ARRDC1: variants seen among roughly 807,000 people sequenced by gnomAD.
ARRDC1 encodes the protein arrestin domain-containing protein 1.
In ARRDC1, 37 loss-of-function variants were observed where a neutral mutation model predicts 40.1. That is an observed-to-expected ratio of 0.92 (90% CI 0.71 to 1.21). The LOEUF is 1.21. Among genes scored for constraint, ARRDC1 ranks in the 50% most tolerant of loss-of-function variants. The probability of loss-of-function intolerance (pLI) is 0.00; values close to 1 mark genes in which losing one functional copy is unlikely to be tolerated. For synonymous variants in ARRDC1, 310 were observed against 262.5 expected, an observed-to-expected ratio of 1.18 and a Z score of -1.75; for missense variants, 641 against 581.9, an observed-to-expected ratio of 1.10 and a Z score of -1.04.
chr9:137,613,589 G>A (rs1333088258), intron 3 of ARRDC1, 26 bp from the exon 4 acceptor site: 3 of 1,614,152 alleles, frequency 1.9e-6, no homozygotes, highest in Non-Finnish European at 8.5e-7. Context: ...AAGGCAGCCA[G>A]GTACCAGTGC....
intron 1 of ARRDC1, among the ~76,000 whole-genome samples, chr9:137,606,253 C>T (rs1842421767): frequency 6.6e-6 from 1 of 152,126 alleles, no homozygotes; most frequent in Non-Finnish European, 1.5e-5. Flanking sequence ...TGCTGCGGCT[C>T]CCTGCGCCCC....
In ARRDC1 at chr9:137,607,902, TAGAGTC is replaced by T. The variant is rs562021465; in HGVS notation, c.118+2072_118+2077del. ...AACGCAGCCCAGTCATGATCTTCCT[TAGAGTC>T]AGAGAGGCCTGCAGCCTCCAGCAGC... On this transcript the variant is annotated intron_variant, in intron 1 of 7. Coordinates refer to ENST00000371421, the MANE Select transcript of ARRDC1 (RefSeq NM_152285.4). Among the ~76,000 whole-genome samples, 103 of 152,330 alleles carry T rather than the reference TAGAGTC, an allele frequency of 6.8e-4. 1 individual carries two copies. Among genetic ancestry groups the T allele is most frequent in the Non-Finnish European group, 1.2e-3 (81 of 68,024 alleles).
At chr9:137,606,239 C>T (rs1459506538) in intron 1 of ARRDC1, among the ~76,000 whole-genome samples, 2 of 152,116 alleles carry the variant, frequency 1.3e-5, no homozygotes, top group Admixed American at 1.3e-4. Context: ...GGGGTGCAGA[C>T]ACCTGCTGCG....
At position 137,613,683 on chromosome 9, in the gene ARRDC1, A is replaced by G. The variant is rs1842588163; in HGVS notation, c.349A>G (p.Thr117Ala). 4.3e-6 allele frequency: 7 copies of G among 1,614,106 alleles called. No homozygotes were observed. The highest frequency in any genetic ancestry group is 1.3e-5 in the African/African-American group (1 of 74,938). The part of the protein sequence containing the change: ...IVHQVRAAIH[T>A]PRFSKDHKCS... Reference sequence around the variant, plus strand: ...GCACCAGGTGAGGGCCGCCATCCACACGCCACGGTTTTCCAAGGATCACAA... The same window carrying G: ...GCACCAGGTGAGGGCCGCCATCCACGCGCCACGGTTTTCCAAGGATCACAA... The change falls in exon 4 of 8, where the codon ACG becomes GCG. Residue 117 changes from threonine to alanine, a missense_variant. Physicochemically the swap from Thr to Ala is moderately conservative, Grantham distance 58. Transcript: ENST00000371421.
At position 137,614,449 on chromosome 9, in the gene ARRDC1, C is replaced by A; in HGVS notation, c.769C>A (p.Leu257Ile). The A allele has an allele frequency of 6.2e-7, 1 of 1,613,462 alleles. No individual in the cohort carries two copies. The highest frequency in any genetic ancestry group is 1.1e-5 in the South Asian group (1 of 91,088). ...CCAGTCGGCCCTGCCGGGCTGCAGC[C>A]TCATCCACATCGACTACTACTTACA... ...LPQSALPGCS[L>I]IHIDYYLQVS... Residue 257 changes from leucine to isoleucine, a missense_variant, in exon 6 of 8, where the codon CTC (leucine) becomes ATC (isoleucine). By Grantham distance (5) the Leu-to-Ile change is conservative (BLOSUM62 2). Transcript: ENST00000371421.
chr9:137,608,461 C>T (rs913355595), intron 1 of ARRDC1, among the ~76,000 whole-genome samples: 10 of 152,332 alleles, frequency 6.6e-5, no homozygotes, highest in East Asian at 1.9e-4. Flanking sequence ...GCGAAAGGCT[C>T]GGTTCCCTTC....
chr9:137,615,038 C>T (rs745905042), intron 7 of ARRDC1, 36 bp from the exon 8 acceptor site: 19 of 1,611,812 alleles, frequency 1.2e-5, no homozygotes, highest in African/African-American at 9.3e-5. Flanking sequence ...GAGGGGACGC[C>T]AAGAGCCCCA....
intron 2 of ARRDC1, 115 bp downstream of exon 2, chr9:137,613,121 C>A: frequency 2.3e-6 from 2 of 886,044 alleles, no homozygotes; most frequent in Non-Finnish European, 3.7e-6. Flanking sequence ...TGGCACTGGC[C>A]CATCTTGTCC....
chr9:137,606,389 G>C (rs888538190), intron 1 of ARRDC1, among the ~76,000 whole-genome samples: 3 of 152,186 alleles, frequency 2.0e-5, no homozygotes, highest in Admixed American at 2.0e-4. Context: ...CGGCCCGCGA[G>C]GTGAGGCTGC....
rs931681063 is a variant in ARRDC1 at position 137,615,289 on chromosome 9, G to T, written c.*151G>T. The stretch of plus-strand genomic sequence containing the variant: ...TGGCATCCGCCCTCTTCTCCCTGGG[G>T]CTGGGGTGGGGGTGGCAGGGAGCTG... On this transcript the variant is annotated 3_prime_UTR_variant, in exon 8 of 8. Coordinates refer to ENST00000371421, the MANE Select transcript of ARRDC1 (RefSeq NM_152285.4). 1.4e-4 allele frequency: 102 copies of T among 741,680 alleles called. No homozygotes were observed. In the Middle Eastern group the frequency reaches 2.2e-3, roughly 16 times the overall value. 45.9% of individuals were successfully genotyped at this position (741,680 alleles called of 1,614,324 possible).
intron 1 of ARRDC1, among the ~76,000 whole-genome samples, chr9:137,608,852 A>G (rs1161800586): frequency 6.6e-6 from 1 of 152,174 alleles, no homozygotes; most frequent in Non-Finnish European, 1.5e-5. Context: ...CACTTTGGAC[A>G]GTGGTTGGAG....
chr9:137,608,939 A>T (rs1316868489), intron 1 of ARRDC1, among the ~76,000 whole-genome samples: 2 of 152,202 alleles, frequency 1.3e-5, no homozygotes, highest in Non-Finnish European at 2.9e-5. Flanking sequence ...GGGCGTTGGG[A>T]AGATCACAGA....
rs768969181 is a variant in ARRDC1 at position 137,605,820 on chromosome 9, C to T, written c.103C>T (p.Pro35Ser). The change falls in exon 1 of 8, where the codon CCG (proline) becomes TCG (serine). Residue 35 changes from proline to serine, a missense_variant. Coordinates refer to ENST00000371421, the MANE Select transcript of ARRDC1 (RefSeq NM_152285.4). ...AGTVRVRLGA[P>S]LPFRAIRVTC... ...GACCGTGCGCGTGCGCCTGGGGGCA[C>T]CGCTGCCGTTCCGAGGTGGGCGCGG... The T allele has an allele frequency of 3.1e-4, 389 of 1,270,796 alleles. 1 individual carries two copies. Among genetic ancestry groups the T allele is most frequent in the Non-Finnish European group, 3.5e-4 (348 of 1,007,726 alleles). The allele number at this position is 1,270,796 out of a possible 1,614,324, so 78.7% of individuals were successfully genotyped here. A position where few individuals can be genotyped will look rare whatever the true frequency, so the allele number is the denominator to read the frequency against.
At chr9:137,605,897 A>G in intron 1 of ARRDC1, 62 bp downstream of exon 1, 2 of 1,061,016 alleles carry the variant, frequency 1.9e-6, no homozygotes, top group South Asian at 4.5e-5. Context: ...GGCTCCCGGA[A>G]GCGGCTGCCG....
rs1295437890 is a variant in ARRDC1, at chr9:137,614,837, CT to C, written c.1075del (p.Cys359AlafsTer41). On this transcript the variant is annotated frameshift_variant, in exon 7 of 8. Coordinates refer to ENST00000371421, the MANE Select transcript of ARRDC1 (RefSeq NM_152285.4). LOFTEE classifies it high-confidence loss of function. The part of the protein sequence containing the change: ...LSSVPGAPEP[C>X]PQDGSPASHP... ...GTTCTGTGCCTGGTGCGCCGGAGCC[CT>C]GCCCTCAGGATGGCAGCCCTGCCTC... is the stretch of plus-strand genomic sequence containing the variant. The C allele has an allele frequency of 6.2e-7, 1 of 1,613,460 alleles. No homozygotes were observed. The highest frequency in any genetic ancestry group is 8.5e-7 in the Non-Finnish European group (1 of 1,179,974).
rs756609761 is a variant in ARRDC1, at chr9:137,613,999, C to T, written c.436-33C>T. On this transcript the variant is annotated intron_variant, in intron 4 of 7. Transcript: ENST00000371421. ...GCCACAGGGATCCAGCCTGCGCACACCTGCTAAGCCCCTCCCTGGCCCTCC... is the reference window on the plus strand; with the variant it reads ...GCCACAGGGATCCAGCCTGCGCACATCTGCTAAGCCCCTCCCTGGCCCTCC... 5 of 1,610,362 alleles carry T rather than the reference C, an allele frequency of 3.1e-6. No homozygotes were observed. The East Asian group carries it at 8.9e-5, about 29-fold the overall frequency.
chr9:137,605,717 C>A lies in ARRDC1; in HGVS notation c.-1C>A, dbSNP rs1842409980. On this transcript the variant is annotated 5_prime_UTR_variant, in exon 1 of 8. Coordinates refer to ENST00000371421, the MANE Select transcript of ARRDC1 (RefSeq NM_152285.4). Reference sequence around the variant, plus strand: ...GCGCGGCTGGCCGGTGAGGCCGCGGCATGGGGCGAGTGCAGCTCTTCGAGA... The same window carrying A: ...GCGCGGCTGGCCGGTGAGGCCGCGGAATGGGGCGAGTGCAGCTCTTCGAGA... 7.3e-7 allele frequency: 1 copy of A among 1,370,548 alleles called. No individual in the cohort carries two copies. The allele number at this position is 1,370,548 out of a possible 1,614,324, so 84.9% of individuals were successfully genotyped here.
At chr9:137,613,435 C>G (rs1252572623) in intron 2 of ARRDC1, 25 bp from the exon 3 acceptor site, 1 of 1,606,632 alleles carries the variant, frequency 6.2e-7, no homozygotes, top group Non-Finnish European at 8.5e-7. Context: ...GGGGACTGCC[C>G]CCCACCTCCC....
chr9:137,605,761 GCGT>G lies in ARRDC1; in HGVS notation c.49_51del (p.Val17del), dbSNP rs2133321848. ...TTCGAGATCAGCCTGAGCCACGGCCGCGTCGTCTACAGCCCCGGGGAGCCGTTG... is the reference window on the plus strand; with the variant it reads ...TTCGAGATCAGCCTGAGCCACGGCCGCGTCTACAGCCCCGGGGAGCCGTTG... On this transcript the variant is annotated inframe_deletion, in exon 1 of 8. Coordinates refer to ENST00000371421, the MANE Select transcript of ARRDC1 (RefSeq NM_152285.4). 7.3e-7 allele frequency: 1 copy of G among 1,370,438 alleles called. No homozygotes were observed. Among genetic ancestry groups the G allele is most frequent in the African/African-American group, 1.5e-5 (1 of 65,978 alleles). The allele number at this position is 1,370,438 out of a possible 1,614,324, so 84.9% of individuals were successfully genotyped here.
Sources: gnomAD v4.1 joint callset for allele counts (sites outside exome capture counted in the v4.1 genomes callset) on GRCh38, gnomAD v4.1.1 for gene constraint, MANE v1.5 for transcripts, NCBI Gene and HGNC (gene_info 2026-07-23, HGNC 2026-07-21) for gene names.